Variants in NVL observed in about 807,000 individuals in gnomAD.
NVL encodes nuclear valosin-containing protein-like.
In NVL, 84 loss-of-function variants were observed where a neutral mutation model predicts 110.2. The observed-to-expected ratio is 0.76, with a 90% CI of 0.64 to 0.91. NVL has a LOEUF of 0.91. NVL is among the 40% of genes least tolerant of loss of function. The probability of loss-of-function intolerance (pLI) is 0.00; values close to 1 mark genes in which losing one functional copy is unlikely to be tolerated. For synonymous variants in NVL, 354 were observed against 361.1 expected (o/e 0.98, Z 0.22); for missense variants, 882 against 1,035.9 (o/e 0.85, Z 2.04).
chr1:224,254,942 G>C (rs1005448941), intron 18 of NVL, among the ~76,000 whole-genome samples: 2 of 145,660 alleles, frequency 1.4e-5, no homozygotes, highest in Admixed American at 7.0e-5. Context: ...GCATGACCTT[G>C]GCTCACTGAA....
At chr1:224,317,341 G>A (rs7537492) in intron 4 of NVL, among the ~76,000 whole-genome samples, 152,284 of 152,320 alleles carry the variant, frequency 1, 76,124 homozygotes, top group Non-Finnish European at 1. Context: ...TTTCAATGCC[G>A]TATGATATGA....
chr1:224,304,256 C>CATT (rs1668698809), intron 8 of NVL, among the ~76,000 whole-genome samples: 1 of 152,060 alleles, frequency 6.6e-6, no homozygotes, highest in Non-Finnish European at 1.5e-5. Flanking sequence ...GAAGCCCTGT[C>CATT]TCTACTAAAA....
intron 15 of NVL, among the ~76,000 whole-genome samples, chr1:224,285,808 T>A (rs2102615272): frequency 6.6e-6 from 1 of 152,286 alleles, no homozygotes; most frequent in East Asian, 1.9e-4. Flanking sequence ...ATGTTAAAAT[T>A]GATAGGATTA....
intron 17 of NVL, 123 bp from the exon 18 acceptor site, chr1:224,268,256 G>A (rs1664696518): frequency 8.8e-6 from 6 of 683,848 alleles, no homozygotes; most frequent in South Asian, 1.9e-5. Flanking sequence ...TTTCTGAGGC[G>A]TCACTATATG....
At chr1:224,317,604 G>A (rs565641529) in intron 4 of NVL, 90 bp downstream of exon 4, 8 of 756,182 alleles carry the variant, frequency 1.1e-5, no homozygotes, top group Non-Finnish European at 1.9e-5. Context: ...GGGCTTTGTT[G>A]GCAATGAAGA....
At chr1:224,325,248 C>CA (rs1355918667) in intron 2 of NVL, among the ~76,000 whole-genome samples, 1 of 146,940 alleles carries the variant, frequency 6.8e-6, no homozygotes, top group Non-Finnish European at 1.5e-5. Context: ...GGCGACAGAG[C>CA]AAGACTCCGT....
chr1:224,327,480 A>G (rs1200308630), intron 1 of NVL, among the ~76,000 whole-genome samples: 1 of 152,038 alleles, frequency 6.6e-6, no homozygotes, highest in Non-Finnish European at 1.5e-5. Flanking sequence ...ATATATAGCT[A>G]AGTGAAAATT....
chr1:224,240,021 G>A (rs1241886027), intron 19 of NVL, among the ~76,000 whole-genome samples: 11 of 146,748 alleles, frequency 7.5e-5, no homozygotes, highest in African/African-American at 1.0e-4. Context: ...CCTCAGCCCC[G>A]AGTAGCTGGG....
chr1:224,236,502 T>G lies in NVL; in HGVS notation c.2366+4A>C, dbSNP rs528433626. On this transcript the variant is annotated splice_donor_region_variant and intron_variant, in intron 20 of 22. Coordinates refer to ENST00000281701, the MANE Select transcript of NVL (RefSeq NM_002533.4). ...GTGAATTGACTTAAGATTTAAACAC[T>G]TACGTATAGCAATCACAGCGAAGGT... 6.2e-7 allele frequency: 1 copy of G among 1,610,728 alleles called. No individual in the cohort carries two copies. Among genetic ancestry groups the G allele is most frequent in the African/African-American group, 1.3e-5 (1 of 74,940 alleles).
chr1:224,231,331 T>C (rs1317460883), intron 21 of NVL, 35 bp from the exon 22 acceptor site: 8 of 1,527,624 alleles, frequency 5.2e-6, no homozygotes, highest in Non-Finnish European at 7.2e-6. Context: ...CACATCTCAG[T>C]ATCGTATGGT....
rs183661177 is a variant in NVL at position 224,302,466 on chromosome 1, G to A, written c.960+1257C>T. On this transcript the variant is annotated intron_variant, in intron 9 of 22. Coordinates refer to ENST00000281701, the MANE Select transcript of NVL (RefSeq NM_002533.4). ...TCCACATGCCTCGGCCTCCCAAAGT[G>A]CTGGGATTACAGGCATGAGCCACTG... is the stretch of plus-strand genomic sequence containing the variant. Among the ~76,000 whole-genome samples the A allele has an allele frequency of 4.5e-3, 681 of 152,228 alleles. 1 individual carries two copies. The highest frequency in any genetic ancestry group is 0.016 in the African/African-American group (657 of 41,552).
At chr1:224,285,000 TG>T (rs1008334528) in intron 15 of NVL, among the ~76,000 whole-genome samples, 13 of 152,206 alleles carry the variant, frequency 8.5e-5, no homozygotes, top group African/African-American at 2.9e-4. Context: ...TGTTTCAATA[TG>T]GGATCATTTC....
intron 1 of NVL, among the ~76,000 whole-genome samples, chr1:224,328,418 G>T (rs1558375400): frequency 6.6e-6 from 1 of 151,362 alleles, no homozygotes; most frequent in Non-Finnish European, 1.5e-5. Context: ...TACTCGGGAG[G>T]CTGAGGCAGG....
chr1:224,239,302 AT>A (rs923770846), intron 19 of NVL, among the ~76,000 whole-genome samples: 7 of 152,218 alleles, frequency 4.6e-5, no homozygotes, highest in Admixed American at 1.3e-4. Context: ...TTATTATTTA[AT>A]TTTTTAAAGT....
intron 17 of NVL, among the ~76,000 whole-genome samples, chr1:224,271,273 G>A (rs916438285): frequency 2.0e-5 from 3 of 152,050 alleles, no homozygotes; most frequent in Non-Finnish European, 2.9e-5. Flanking sequence ...CAGGAGGATC[G>A]CTTGAGGCCA....
intron 22 of NVL, among the ~76,000 whole-genome samples, chr1:224,228,960 T>C (rs1659540602): frequency 7.2e-6 from 1 of 139,126 alleles, no homozygotes. Context: ...ATTGCCAGAA[T>C]GTTTTCCAGT....
intron 12 of NVL, 62 bp downstream of exon 12, chr1:224,294,205 C>A: frequency 1.3e-6 from 2 of 1,561,310 alleles, no homozygotes. Flanking sequence ...TCACCTCTTA[C>A]TTTCAAACCA....
chr1:224,277,973 T>C (rs763790638), intron 16 of NVL, among the ~76,000 whole-genome samples: 7 of 152,202 alleles, frequency 4.6e-5, no homozygotes, highest in Non-Finnish European at 1.0e-4. Context: ...TGTTCGAATC[T>C]TTCAGGGTTC....
At chr1:224,278,617 A>G (rs1666012611) in intron 16 of NVL, among the ~76,000 whole-genome samples, 1 of 152,280 alleles carries the variant, frequency 6.6e-6, no homozygotes, top group East Asian at 1.9e-4. Context: ...TCAGACCACA[A>G]TGAGGCAAAA....
Sources: allele counts gnomAD v4.1 joint callset (sites outside exome capture counted in the v4.1 genomes callset), GRCh38; gene constraint gnomAD v4.1.1; transcripts MANE v1.5; gene names NCBI Gene and HGNC (gene_info 2026-07-23, HGNC 2026-07-21).